CDNF: variants seen among roughly 807,000 people sequenced by gnomAD.
CDNF encodes the protein ARMET-like protein 1.
A neutral mutation model predicts 14.8 loss-of-function variants in CDNF; 9 were observed. That is an observed-to-expected ratio of 0.61 (90% CI 0.37 to 1.06). The LOEUF is 1.06. Among genes scored for constraint, CDNF ranks in the 50% least tolerant of loss-of-function variants. The pLI is 0.01. For missense variants in CDNF, 228 were observed against 228.4 expected (o/e 1.00, Z 0.01); for synonymous variants, 86 against 87.2 (o/e 0.99, Z 0.07).
At chr10:14,820,682 G>A (rs1588792285) in intron 3 of CDNF, among the ~76,000 whole-genome samples, 1 of 151,988 alleles carries the variant, frequency 6.6e-6, no homozygotes, top group African/African-American at 2.4e-5. Context: ...GCAGTGAGCC[G>A]AGATCACGCC....
In CDNF at chr10:14,826,014, C is replaced by CAGAAGCAGA. The variant is rs1358454554; in HGVS notation, c.244-395_244-394insTCTGCTTCT. On this transcript the variant is annotated intron_variant, in intron 2 of 3. Transcript: ENST00000465530. The stretch of plus-strand genomic sequence containing the variant: ...GAAGAAGCAGCAGAAGAAGCAGAAG[C>CAGAAGCAGA]AGAAGAAGAAGAAGGAGAAGAAGAA... Among the ~76,000 whole-genome samples the CAGAAGCAGA allele has an allele frequency of 3.2e-5, 3 of 92,770 alleles. No homozygotes were observed. In the East Asian group the frequency reaches 1.1e-3, roughly 33 times the overall value. The allele number at this position is 92,770 out of a possible 152,430, so 60.9% of individuals were successfully genotyped here.
At chr10:14,826,157 G>A (rs990082116) in intron 2 of CDNF, among the ~76,000 whole-genome samples, 12 of 150,960 alleles carry the variant, frequency 7.9e-5, no homozygotes, top group Non-Finnish European at 1.2e-4. Context: ...AGGAGAAGAA[G>A]AAGAAGAAGC....
chr10:14,833,144 C>T (rs949523957), intron 1 of CDNF, among the ~76,000 whole-genome samples: 1 of 152,100 alleles, frequency 6.6e-6, no homozygotes, highest in African/African-American at 2.4e-5. Context: ...CAGGCATGAG[C>T]CACCATGCCT....
chr10:14,824,605 C>CAAA (rs572648812), intron 3 of CDNF, among the ~76,000 whole-genome samples: 9 of 64,620 alleles, frequency 1.4e-4, no homozygotes, highest in African/African-American at 5.5e-4. Context: ...GACTTCCCCT[C>CAAA]AAAAAAAAAA....
At position 14,826,503 on chromosome 10, in the gene CDNF, A is replaced by AAG. The variant is rs1564313902; in HGVS notation, c.244-884_244-883insCT. 9.5e-3 allele frequency among the ~76,000 whole-genome samples: 1,220 copies of AAG among 129,076 alleles called. 22 individuals carry two copies. Among genetic ancestry groups the AAG allele is most frequent in the African/African-American group, 0.037 (1,146 of 31,310 alleles). The allele number at this position is 129,076 out of a possible 152,430, so 84.7% of individuals were successfully genotyped here. ...AGAAAAAGAAGAAGAAGAAGAAGAA[A>AAG]AAGAAGCAGCAGAAGCAGCAGAAGC... On this transcript the variant is annotated intron_variant, in intron 2 of 3. Coordinates refer to ENST00000465530, the MANE Select transcript of CDNF (RefSeq NM_001029954.3).
chr10:14,825,287 G>A (rs1446924914), intron 3 of CDNF, among the ~76,000 whole-genome samples, 192 bp downstream of exon 3: 1 of 152,112 alleles, frequency 6.6e-6, no homozygotes, highest in Admixed American at 6.6e-5. Context: ...TGCTGATTAT[G>A]CCTGTACTAT....
chr10:14,830,685 A>C (rs901580667), intron 1 of CDNF, among the ~76,000 whole-genome samples: 17 of 152,154 alleles, frequency 1.1e-4, no homozygotes, highest in Admixed American at 2.0e-4. Flanking sequence ...GTCTCTACTA[A>C]AAATACAAAA....
At chr10:14,828,734 G>A (rs1468877485) in intron 1 of CDNF, among the ~76,000 whole-genome samples, 2 of 152,110 alleles carry the variant, frequency 1.3e-5, no homozygotes, top group African/African-American at 4.8e-5. Flanking sequence ...GGCCAGGCAT[G>A]GTGGCTCACA....
rs112571609 is a variant in CDNF, at chr10:14,828,584, T to C, written c.116-312A>G. Among the ~76,000 whole-genome samples, 532 of 151,024 alleles carry C rather than the reference T, an allele frequency of 3.5e-3. 1 individual carries two copies. The highest frequency in any genetic ancestry group is 0.011 in the African/African-American group (449 of 41,030). On this transcript the variant is annotated intron_variant, in intron 1 of 3. Coordinates refer to ENST00000465530, the MANE Select transcript of CDNF (RefSeq NM_001029954.3). ...ATCACTTGAACCCAGCAGGTGGAGA[T>C]TGCAGTGAGCCGAGATCTTACCACT...
intron 1 of CDNF, among the ~76,000 whole-genome samples, chr10:14,835,803 C>A (rs566762294): frequency 6.6e-6 from 1 of 152,160 alleles, no homozygotes; most frequent in East Asian, 1.9e-4. Context: ...TCTACAGGGG[C>A]CAGGCAAGGA....
intron 3 of CDNF, among the ~76,000 whole-genome samples, chr10:14,824,388 C>T (rs1169187717): frequency 1.3e-5 from 2 of 152,048 alleles, no homozygotes; most frequent in African/African-American, 4.8e-5. Context: ...GGTGGATCAC[C>T]TGAGGTCAGG....
intron 1 of CDNF, among the ~76,000 whole-genome samples, chr10:14,833,589 C>T (rs983573387): frequency 1.3e-5 from 2 of 151,282 alleles, no homozygotes; most frequent in Non-Finnish European, 2.9e-5. Context: ...CTCTGGAGAA[C>T]CTTGACTAAT....
Position 14,819,585 on chromosome 10 carries a change from TA to T in CDNF, c.*394del. The T allele has an allele frequency of 6.4e-6, 1 of 157,196 alleles. No individual in the cohort carries two copies. Among genetic ancestry groups the T allele is most frequent in the Non-Finnish European group, 1.4e-5 (1 of 71,544 alleles). The allele number at this position is 157,196 out of a possible 1,614,324, so 9.7% of individuals were successfully genotyped here. ...TTTGGGATTGAAGTTGTGCATTAGA[TA>T]AGCTGACTGTTGTGTCTTTTGTTTT... On this transcript the variant is annotated 3_prime_UTR_variant, in exon 4 of 4. Coordinates refer to ENST00000465530, the MANE Select transcript of CDNF (RefSeq NM_001029954.3).
rs1406826076 is a variant in CDNF, at chr10:14,819,864, C to T, written c.*116G>A. 3.8e-6 allele frequency: 4 copies of T among 1,056,654 alleles called. No individual in the cohort carries two copies. Among genetic ancestry groups the T allele is most frequent in the Admixed American group, 4.9e-5 (2 of 40,998 alleles). The allele number at this position is 1,056,654 out of a possible 1,614,324, so 65.5% of individuals were successfully genotyped here. On this transcript the variant is annotated 3_prime_UTR_variant, in exon 4 of 4. Coordinates refer to ENST00000465530, the MANE Select transcript of CDNF (RefSeq NM_001029954.3). Reference sequence around the variant, plus strand: ...AAAATTCTGAGGAATAATACCAACACAAAAAGCATGAGACCAAATATGATG... The same window carrying T: ...AAAATTCTGAGGAATAATACCAACATAAAAAGCATGAGACCAAATATGATG...
chr10:14,825,561 G>A lies in CDNF; in HGVS notation c.303C>T (p.Arg101=). 1 of 1,614,014 alleles carries A rather than the reference G, an allele frequency of 6.2e-7. No individual in the cohort carries two copies. Among genetic ancestry groups the A allele is most frequent in the Non-Finnish European group, 8.5e-7 (1 of 1,179,950 alleles). The change falls in exon 3 of 4, where the codon CGC becomes CGT. Residue 101 remains arginine (R), a synonymous_variant. Coordinates refer to ENST00000465530, the MANE Select transcript of CDNF (RefSeq NM_001029954.3). The part of the protein sequence containing the change: ...AATKILSEVT[R]PMSVHMPAMK... ...TTGCAGGCATATGCACACTCATTGG[G>A]CGAGTGACTTCACTTAGGATCTTTG...
At chr10:14,826,046 G>GAAGAAGAAGAAGAAA in intron 2 of CDNF, among the ~76,000 whole-genome samples, 1 of 121,358 alleles carries the variant, frequency 8.2e-6, no homozygotes, top group Non-Finnish European at 1.7e-5. Context: ...AGAAGAAGAA[G>GAAGAAGAAGAAGAAA]AAGAAGAAGA....
At chr10:14,830,817 G>C (rs1168968057) in intron 1 of CDNF, among the ~76,000 whole-genome samples, 2 of 152,170 alleles carry the variant, frequency 1.3e-5, no homozygotes, top group Non-Finnish European at 2.9e-5. Flanking sequence ...TTATACTCCA[G>C]TCTGGGCGAC....
chr10:14,831,152 T>A (rs1833840483), intron 1 of CDNF, among the ~76,000 whole-genome samples: 1 of 152,172 alleles, frequency 6.6e-6, no homozygotes, highest in African/African-American at 2.4e-5. Flanking sequence ...GGCTAGGTCT[T>A]TGGGGCCCTG....
chr10:14,826,505 A>AAG (rs1833798037), intron 2 of CDNF, among the ~76,000 whole-genome samples: 1 of 151,842 alleles, frequency 6.6e-6, no homozygotes, highest in Non-Finnish European at 1.5e-5. Context: ...AAGAAGAAAA[A>AAG]GAAGCAGCAG....
Sources: gnomAD v4.1 joint callset for allele counts (sites outside exome capture counted in the v4.1 genomes callset) on GRCh38, gnomAD v4.1.1 for gene constraint, MANE v1.5 for transcripts, NCBI Gene and HGNC (gene_info 2026-07-23, HGNC 2026-07-21) for gene names.